Variants in SLC39A14 observed in about 807,000 individuals in gnomAD.
SLC39A14 encodes the protein solute carrier family 39 member 14.
A neutral mutation model predicts 45.5 loss-of-function variants in SLC39A14; 19 were observed. That is an observed-to-expected ratio of 0.42 (90% CI 0.29 to 0.61). The LOEUF is 0.61. Among genes scored for constraint, SLC39A14 ranks in the 20% least tolerant of loss-of-function variants. The probability of loss-of-function intolerance (pLI) is 0.22; values close to 1 mark genes in which losing one functional copy is unlikely to be tolerated. For missense variants in SLC39A14, 447 were observed against 616.5 expected (o/e 0.73, Z 2.91); for synonymous variants, 264 against 251.3 (o/e 1.05, Z -0.48).
At chr8:22,370,066 AGAG>A (rs1325083428) in intron 1 of SLC39A14, among the ~76,000 whole-genome samples, 2 of 152,080 alleles carry the variant, frequency 1.3e-5, no homozygotes, top group Non-Finnish European at 1.5e-5. Context: ...TGATTTCTTC[AGAG>A]AAGAAATGCT....
chr8:22,412,301 G>C, intron 4 of SLC39A14, 95 bp downstream of exon 4: 1 of 1,316,264 alleles, frequency 7.6e-7, no homozygotes, highest in Non-Finnish European at 1.0e-6. Context: ...GCACCTGGAG[G>C]CCCTTTCCTT....
intron 1 of SLC39A14, among the ~76,000 whole-genome samples, chr8:22,394,724 T>C (rs1834284774): frequency 6.6e-6 from 1 of 152,208 alleles, no homozygotes; most frequent in East Asian, 1.9e-4. Context: ...CTGTATTAAT[T>C]ACATGCATTT....
chr8:22,410,245 A>G (rs998376261), intron 3 of SLC39A14: 2 of 928,944 alleles, frequency 2.2e-6, no homozygotes, highest in Admixed American at 4.3e-5. Context: ...TGTCCCTCGT[A>G]TCAAAGCCAC....
chr8:22,424,341 G>A (rs773341276), downstream of SLC39A14, among the ~76,000 whole-genome samples: 1 of 151,880 alleles, frequency 6.6e-6, no homozygotes, highest in East Asian at 1.9e-4. Flanking sequence ...GTTTTTCTTC[G>A]ACAACAGAAA....
At chr8:22,392,184 C>G (rs1342796431) in intron 1 of SLC39A14, among the ~76,000 whole-genome samples, 1 of 152,150 alleles carries the variant, frequency 6.6e-6, no homozygotes, top group Non-Finnish European at 1.5e-5. Flanking sequence ...TTGAACAGAA[C>G]CAGAATTCAG....
chr8:22,415,724 G>A, intron 5 of SLC39A14, 45 bp from the exon 6 acceptor site: 1 of 1,579,184 alleles, frequency 6.3e-7, no homozygotes, highest in Non-Finnish European at 8.6e-7. Flanking sequence ...TCAGGTTTGT[G>A]GTTTTGGTGA....
At chr8:22,423,398 C>T (rs549595889), downstream of SLC39A14, among the ~76,000 whole-genome samples, 5 of 151,536 alleles carry the variant, frequency 3.3e-5, no homozygotes, top group East Asian at 3.9e-4. Flanking sequence ...TGCAATGGCA[C>T]GATCTCGGCT....
Position 22,371,496 on chromosome 8 carries a change from C to T in SLC39A14, c.-16+4088C>T, listed in dbSNP as rs1411883082. ...TCGCCCAGGCTGGAGTGCAGTGGTG[C>T]GATCTCGGCTCACTGCAACCTCTGC... On this transcript the variant is annotated intron_variant, in intron 1 of 8. Coordinates refer to ENST00000381237, the MANE Select transcript of SLC39A14 (RefSeq NM_001128431.4). 9.6e-5 allele frequency among the ~76,000 whole-genome samples: 13 copies of T among 135,652 alleles called. 1 individual carries two copies. The Admixed American group carries it at 1.0e-3, about 11-fold the overall frequency. 89.0% of individuals were successfully genotyped at this position (135,652 alleles called of 152,430 possible).
intron 2 of SLC39A14, among the ~76,000 whole-genome samples, chr8:22,408,076 G>A (rs981297515): frequency 6.6e-5 from 10 of 152,194 alleles, no homozygotes; most frequent in African/African-American, 2.4e-4. Flanking sequence ...CGACGGTTGT[G>A]CTTATGATGT....
intron 7 of SLC39A14, among the ~76,000 whole-genome samples, chr8:22,416,975 A>G (rs925510900): frequency 1.3e-5 from 2 of 152,174 alleles, no homozygotes; most frequent in Non-Finnish European, 2.9e-5. Context: ...GTAGCCTGTT[A>G]ATCTTCCAAA....
chr8:22,391,742 G>A (rs553528644), intron 1 of SLC39A14, among the ~76,000 whole-genome samples: 9 of 152,126 alleles, frequency 5.9e-5, no homozygotes, highest in African/African-American at 1.9e-4. Flanking sequence ...GCTAATTTTT[G>A]TATTTTTAGT....
intron 8 of SLC39A14, among the ~76,000 whole-genome samples, chr8:22,430,826 T>G (rs1424822213): frequency 6.6e-6 from 1 of 151,168 alleles, no homozygotes; most frequent in African/African-American, 2.4e-5. Context: ...GCCTGTGCCA[T>G]CATGCCCAGC....
Position 22,421,027 on chromosome 8 carries a change from C to T in SLC39A14, c.*1329C>T. 4.1e-6 allele frequency: 4 copies of T among 985,854 alleles called. No individual in the cohort carries two copies. The highest frequency in any genetic ancestry group is 4.8e-6 in the Non-Finnish European group (4 of 829,930). 61.1% of individuals were successfully genotyped at this position (985,854 alleles called of 1,614,324 possible). A position where few individuals can be genotyped will look rare whatever the true frequency, so the allele number is the denominator to read the frequency against. On this transcript the variant is annotated 3_prime_UTR_variant, in exon 9 of 9. Coordinates refer to ENST00000381237, the MANE Select transcript of SLC39A14 (RefSeq NM_001128431.4). Reference sequence around the variant, plus strand: ...CCACTGTGGAGCCCTTGCCTCCGAGCTCTGGCTTCAAGGGGAGCTCTTCTC... The same window carrying T: ...CCACTGTGGAGCCCTTGCCTCCGAGTTCTGGCTTCAAGGGGAGCTCTTCTC...
chr8:22,374,500 CGGGAGAGAGAGCAGGGTCCT>C (rs1833101179), intron 1 of SLC39A14, among the ~76,000 whole-genome samples: 1 of 151,802 alleles, frequency 6.6e-6, no homozygotes, highest in Non-Finnish European at 1.5e-5. Flanking sequence ...AGCTAGGAAG[CGGGAGAGAGAGCAGGGTCCT>C]GGTAAGGAGA....
chr8:22,393,599 G>A (rs544792943), intron 1 of SLC39A14, among the ~76,000 whole-genome samples: 26 of 152,232 alleles, frequency 1.7e-4, no homozygotes, highest in Non-Finnish European at 3.4e-4. Context: ...AATATCCAGA[G>A]TGTATTAATC....
At position 22,384,609 on chromosome 8, in the gene SLC39A14, G is replaced by A. The variant is rs531603353; in HGVS notation, c.-16+17201G>A. Among the ~76,000 whole-genome samples the A allele has an allele frequency of 1.5e-3, 221 of 151,960 alleles. 2 individuals are homozygous for A. Among genetic ancestry groups the A allele is most frequent in the South Asian group, 7.3e-3 (35 of 4,810 alleles). ...CAAAAAATACAAAAATTAGCCAGGC[G>A]TGGTGGTGGGTGTCTGTAATCCAGC... On this transcript the variant is annotated intron_variant, in intron 1 of 8. Transcript: ENST00000381237.
At chr8:22,399,043 G>A (rs145467410) in intron 1 of SLC39A14, among the ~76,000 whole-genome samples, 204 of 152,306 alleles carry the variant, frequency 1.3e-3, no homozygotes, top group Non-Finnish European at 2.4e-3. Context: ...GCCTGGGGGC[G>A]CTCCCAAGCC....
Position 22,404,808 on chromosome 8 carries a change from T to C in SLC39A14, c.98T>C (p.Leu33Pro), listed in dbSNP as rs896378. Residue 33 changes from leucine to proline, a missense_variant, in exon 2 of 9, where the codon CTG (leucine) becomes CCG (proline). Coordinates refer to ENST00000381237, the MANE Select transcript of SLC39A14 (RefSeq NM_001128431.4). ...RTTPEAHASS[L>P]GAPAISAASF... ...ACCCCTGAGGCTCACGCTTCATCCC[T>C]GGGTGCACCAGCTATCAGCGCTGCC... The C allele has an allele frequency of 0.49, 798,117 of 1,613,678 alleles. 201,595 individuals carry two copies. Among genetic ancestry groups the C allele is most frequent in the African/African-American group, 0.73 (54,994 of 74,904 alleles).
chr8:22,412,332 T>A, intron 4 of SLC39A14, 126 bp downstream of exon 4: 2 of 1,026,108 alleles, frequency 1.9e-6, no homozygotes, highest in Non-Finnish European at 2.8e-6. Context: ...AAGCTAGAAC[T>A]TAGGCGTGAA....
Sources: gnomAD v4.1 joint callset for allele counts (sites outside exome capture counted in the v4.1 genomes callset) on GRCh38, gnomAD v4.1.1 for gene constraint, MANE v1.5 for transcripts, NCBI Gene and HGNC (gene_info 2026-07-23, HGNC 2026-07-21) for gene names.